CNTNAP4: variants seen among roughly 807,000 people sequenced by gnomAD.
The protein encoded by CNTNAP4 is contactin associated protein family member 4.
A neutral mutation model predicts 148.4 loss-of-function variants in CNTNAP4; 98 were observed. That is an observed-to-expected ratio of 0.66 (90% CI 0.56 to 0.78). The LOEUF is 0.78. CNTNAP4 is among the 30% of genes least tolerant of loss of function. The pLI, the probability that CNTNAP4 is intolerant of heterozygous loss-of-function variation, is 0.00. For missense variants in CNTNAP4, 1,935 were observed against 1,565.6 expected, an observed-to-expected ratio of 1.24 and a Z score of -3.98; for synonymous variants, 730 against 565.1, an observed-to-expected ratio of 1.29 and a Z score of -4.14.
intron 2 of CNTNAP4, among the ~76,000 whole-genome samples, chr16:76,353,800 G>A (rs140302578): frequency 1.3e-5 from 2 of 152,264 alleles, no homozygotes; most frequent in African/African-American, 2.4e-5. Context: ...ATCTATCAGA[G>A]TATCATTATG....
At chr16:76,365,763 A>C (rs1446656313) in intron 3 of CNTNAP4, among the ~76,000 whole-genome samples, 4 of 151,900 alleles carry the variant, frequency 2.6e-5, no homozygotes, top group East Asian at 1.9e-4. Flanking sequence ...AAAAAAAAAA[A>C]AAAAAAACCT....
chr16:76,496,651 A>G (rs746463025), intron 14 of CNTNAP4, among the ~76,000 whole-genome samples: 56 of 152,146 alleles, frequency 3.7e-4, no homozygotes, highest in Non-Finnish European at 4.9e-4. Context: ...AAACCAAACA[A>G]TGGCAATTTA....
intron 15 of CNTNAP4, among the ~76,000 whole-genome samples, chr16:76,512,157 G>A (rs1481609092): frequency 6.6e-6 from 1 of 152,148 alleles, no homozygotes; most frequent in African/African-American, 2.4e-5. Context: ...GCAAGAAAGA[G>A]AGTGGTAGAA....
At chr16:76,481,857 C>A (rs542247153) in intron 12 of CNTNAP4, among the ~76,000 whole-genome samples, 1 of 151,750 alleles carries the variant, frequency 6.6e-6, no homozygotes, top group Non-Finnish European at 1.5e-5. Flanking sequence ...CCTAGGATAG[C>A]GGGAGTATGG....
intron 15 of CNTNAP4, among the ~76,000 whole-genome samples, chr16:76,512,840 C>A (rs992661666): frequency 6.6e-6 from 1 of 152,100 alleles, no homozygotes; most frequent in African/African-American, 2.4e-5. Flanking sequence ...AAGTGAAGAA[C>A]GTGTTTCAAG....
chr16:76,349,201 A>G (rs1965169480), intron 2 of CNTNAP4, among the ~76,000 whole-genome samples: 1 of 152,068 alleles, frequency 6.6e-6, no homozygotes, highest in Non-Finnish European at 1.5e-5. Context: ...TTCCACAACA[A>G]TACCTCCTAC....
chr16:76,324,421 G>T (rs1023027570), intron 2 of CNTNAP4, among the ~76,000 whole-genome samples: 1 of 152,162 alleles, frequency 6.6e-6, no homozygotes, highest in African/African-American at 2.4e-5. Flanking sequence ...GGTTCTCCTA[G>T]AAGCACACCT....
chr16:76,448,064 T>A lies in CNTNAP4; in HGVS notation c.591T>A (p.Asp197Glu). 6.2e-7 allele frequency: 1 copy of A among 1,613,754 alleles called. No homozygotes were observed. Among genetic ancestry groups the A allele is most frequent in the Non-Finnish European group, 8.5e-7 (1 of 1,179,748 alleles). The change falls in exon 5 of 24, where the codon GAT (aspartate) becomes GAA (glutamate). Residue 197 changes from aspartate (D) to glutamate (E), a missense_variant. Physicochemically the swap from Asp to Glu is conservative, Grantham distance 45. Transcript: ENST00000611870. ...DGKSSLLYRF[D>E]QKSLSPIKDI... is the part of the protein sequence containing the mutation. The stretch of plus-strand genomic sequence containing the variant: ...AAAGTTCCCTTCTCTACAGATTTGA[T>A]CAAAAATCCCTGAGCCCAATAAAAG...
chr16:76,525,661 T>G (rs898116556), intron 17 of CNTNAP4, among the ~76,000 whole-genome samples: 21 of 145,860 alleles, frequency 1.4e-4, no homozygotes, highest in African/African-American at 4.9e-4. Context: ...AAATTATATA[T>G]AGTTATATAA....
chr16:76,510,392 C>T (rs145431920), intron 15 of CNTNAP4, among the ~76,000 whole-genome samples: 1 of 152,124 alleles, frequency 6.6e-6, no homozygotes, highest in Non-Finnish European at 1.5e-5. Context: ...TGTTTAATCA[C>T]TCATCAGTTC....
At chr16:76,499,767 G>T (rs1036436861) in intron 15 of CNTNAP4, among the ~76,000 whole-genome samples, 1 of 151,128 alleles carries the variant, frequency 6.6e-6, no homozygotes, top group Non-Finnish European at 1.5e-5. Context: ...GACTCTTAAC[G>T]AGTATGCTGC....
intron 8 of CNTNAP4, among the ~76,000 whole-genome samples, chr16:76,457,079 A>G (rs2080763070): frequency 6.6e-6 from 1 of 152,258 alleles, no homozygotes; most frequent in Non-Finnish European, 1.5e-5. Flanking sequence ...GACTGGGTGC[A>G]TAGAATTTTC....
At chr16:76,373,051 G>A (rs181184022) in intron 3 of CNTNAP4, among the ~76,000 whole-genome samples, 1 of 152,048 alleles carries the variant, frequency 6.6e-6, no homozygotes, top group African/African-American at 2.4e-5. Flanking sequence ...ACAGCACAGG[G>A]GTCACTGTAC....
At chr16:76,491,530 G>T (rs957618024) in intron 13 of CNTNAP4, among the ~76,000 whole-genome samples, 6 of 152,296 alleles carry the variant, frequency 3.9e-5, no homozygotes, top group African/African-American at 1.4e-4. Flanking sequence ...GCTCTCCAGG[G>T]CATTGTGGCC....
chr16:76,425,053 G>T (rs1321210097), intron 3 of CNTNAP4, among the ~76,000 whole-genome samples: 1 of 152,130 alleles, frequency 6.6e-6, no homozygotes, highest in Non-Finnish European at 1.5e-5. Flanking sequence ...CCAAACCTCA[G>T]TAAAAAATTT....
At position 76,521,239 on chromosome 16, in the gene CNTNAP4, A is replaced by G; in HGVS notation, c.2465A>G (p.Lys822Arg). The G allele has an allele frequency of 6.2e-7, 1 of 1,612,844 alleles. No individual in the cohort carries two copies. The highest frequency in any genetic ancestry group is 8.5e-7 in the Non-Finnish European group (1 of 1,179,398). The change falls in exon 16 of 24, where the codon AAG (lysine) becomes AGG (arginine). Residue 822 changes from lysine to arginine, a missense_variant. Transcript: ENST00000611870. ...AGCGCGGATGTATCTTTCTTTTTTAAGACAACAGCTTCATCTGGGGTATTT... is the reference window on the plus strand; with the variant it reads ...AGCGCGGATGTATCTTTCTTTTTTAGGACAACAGCTTCATCTGGGGTATTT... ...ELSADVSFFF[K>R]TTASSGVFLE...
At chr16:76,372,634 T>C (rs1022028765) in intron 3 of CNTNAP4, among the ~76,000 whole-genome samples, 4 of 152,178 alleles carry the variant, frequency 2.6e-5, no homozygotes, top group African/African-American at 7.2e-5. Flanking sequence ...TCTCATTCTG[T>C]CTTTTCTGCC....
intron 3 of CNTNAP4, among the ~76,000 whole-genome samples, chr16:76,373,897 C>CAAAA (rs71382634): frequency 5.4e-5 from 6 of 112,046 alleles, no homozygotes; most frequent in East Asian, 2.4e-4. Context: ...CTCCATCTCA[C>CAAAA]AAAAAAAAAA....
intron 2 of CNTNAP4, among the ~76,000 whole-genome samples, chr16:76,340,003 G>A (rs928598789): frequency 1.3e-5 from 2 of 152,150 alleles, no homozygotes; most frequent in Admixed American, 1.3e-4. Context: ...ATAAGAACAT[G>A]TATAATTCAA....
Sources: gnomAD v4.1 joint callset for allele counts (sites outside exome capture counted in the v4.1 genomes callset) on GRCh38, gnomAD v4.1.1 for gene constraint, MANE v1.5 for transcripts, NCBI Gene and HGNC (gene_info 2026-07-23, HGNC 2026-07-21) for gene names.